CPVL: variants seen among roughly 807,000 people sequenced by gnomAD.
CPVL encodes carboxypeptidase vitellogenic like.
In CPVL, 51 loss-of-function variants were observed where a neutral mutation model predicts 63.7. The observed-to-expected ratio is 0.80, with a 90% confidence interval of 0.64 to 1.01. The LOEUF (loss-of-function observed/expected upper bound fraction) is 1.01, where lower values mean the gene tolerates loss of function less well. Ranked by LOEUF, CPVL falls within the 50% of genes least tolerant of loss-of-function variation. CPVL has a pLI of 0.00. For missense variants in CPVL, 530 were observed against 573.1 expected, an observed-to-expected ratio of 0.92 and a Z score of 0.77; for synonymous variants, 195 against 206.0, an observed-to-expected ratio of 0.95 and a Z score of 0.46.
At chr7:29,189,261 C>T (rs1799105905) in intron 1 of CPVL, among the ~76,000 whole-genome samples, 1 of 152,022 alleles carries the variant, frequency 6.6e-6, no homozygotes, top group Non-Finnish European at 1.5e-5. Flanking sequence ...CAGTTTCCCT[C>T]ATATCTTTAT....
chr7:29,112,723 A>AAGAAGAGGTT lies in CPVL; in HGVS notation c.259_268dup (p.Phe90Ter). 6.2e-7 allele frequency: 1 copy of AAGAAGAGGTT among 1,612,682 alleles called. No homozygotes were observed. The highest frequency in any genetic ancestry group is 8.5e-7 in the Non-Finnish European group (1 of 1,179,036). ...ACCTACCTGAGCTGGGAAGAACCAG[A>AAGAAGAGGTT]AGAAGAGGTTGCTGTTGTAAGTCTT... On this transcript the variant is annotated stop_gained and frameshift_variant, in exon 3 of 13. Transcript: ENST00000265394.
chr7:29,046,494 C>T (rs138918274), intron 11 of CPVL, among the ~76,000 whole-genome samples: 324 of 152,200 alleles, frequency 2.1e-3, no homozygotes, highest in African/African-American at 7.5e-3. Context: ...CTTAAAACTG[C>T]AGTGTCCTTC....
chr7:29,177,691 C>T (rs1267101566), intron 5 of CPVL, among the ~76,000 whole-genome samples: 1 of 151,790 alleles, frequency 6.6e-6, no homozygotes, highest in East Asian at 1.9e-4. Context: ...TCCATCCATC[C>T]ATCTGTGCAG....
At chr7:29,072,516 A>G in intron 7 of CPVL, 93 bp from the exon 8 acceptor site, 1 of 1,376,424 alleles carries the variant, frequency 7.3e-7, no homozygotes. Context: ...TGAAGGAGCA[A>G]TCTTTCCACA....
chr7:29,017,410 G>C (rs1316692913), intron 12 of CPVL, among the ~76,000 whole-genome samples: 6 of 152,238 alleles, frequency 3.9e-5, no homozygotes, highest in African/African-American at 1.4e-4. Context: ...GAGGCAGGCG[G>C]ATCACTTGAG....
chr7:29,082,332 G>A (rs1163437892), intron 7 of CPVL: 1 of 152,180 alleles, frequency 6.6e-6, no homozygotes, highest in African/African-American at 2.4e-5. Context: ...ATGAAAAGCA[G>A]AGGCCCAGGG....
intron 11 of CPVL, among the ~76,000 whole-genome samples, chr7:29,041,366 C>T (rs533514462): frequency 2.6e-5 from 4 of 152,008 alleles, no homozygotes; most frequent in Non-Finnish European, 4.4e-5. Flanking sequence ...CATGAGCCAC[C>T]GCGCCTGGCC....
chr7:29,053,322 A>G (rs1242186285), intron 11 of CPVL, among the ~76,000 whole-genome samples: 1 of 152,232 alleles, frequency 6.6e-6, no homozygotes, highest in Non-Finnish European at 1.5e-5. Context: ...TTTTCACAAT[A>G]ATCACAAAGT....
chr7:29,077,853 C>A (rs1163879149), intron 7 of CPVL, among the ~76,000 whole-genome samples: 1 of 152,150 alleles, frequency 6.6e-6, no homozygotes, highest in Non-Finnish European at 1.5e-5. Flanking sequence ...CTGGTGAAAA[C>A]CTCGGTGTAA....
At chr7:29,112,046 A>C (rs1788285391) in intron 3 of CPVL, among the ~76,000 whole-genome samples, 1 of 152,252 alleles carries the variant, frequency 6.6e-6, no homozygotes, top group Non-Finnish European at 1.5e-5. Flanking sequence ...GGTGAACTAC[A>C]TAGGATTGGT....
At chr7:29,112,407 AC>A (rs1166763654) in intron 3 of CPVL, among the ~76,000 whole-genome samples, 4 of 152,190 alleles carry the variant, frequency 2.6e-5, no homozygotes, top group Non-Finnish European at 4.4e-5. Context: ...CAAAAATACA[AC>A]AAAATGATAG....
chr7:29,059,089 A>T (rs890430724), intron 11 of CPVL, among the ~76,000 whole-genome samples: 33 of 152,020 alleles, frequency 2.2e-4, no homozygotes, highest in Admixed American at 3.9e-4. Flanking sequence ...TTCAAAAAAA[A>T]TTTTTTTAAG....
At chr7:29,045,561 C>T (rs1789528834) in intron 11 of CPVL, among the ~76,000 whole-genome samples, 1 of 148,012 alleles carries the variant, frequency 6.8e-6, no homozygotes, top group South Asian at 2.1e-4. Flanking sequence ...TCTTCATTGT[C>T]TTCAAAGGGC....
At chr7:29,022,867 A>G (rs1310204973) in intron 12 of CPVL, among the ~76,000 whole-genome samples, 2 of 152,230 alleles carry the variant, frequency 1.3e-5, no homozygotes, top group African/African-American at 4.8e-5. Flanking sequence ...GCCAGTGCAT[A>G]TGCACATTAT....
intron 5 of CPVL, among the ~76,000 whole-genome samples, chr7:29,168,157 A>G (rs1584521962): frequency 6.6e-6 from 1 of 152,330 alleles, no homozygotes; most frequent in East Asian, 1.9e-4. Context: ...CTGCTTACTA[A>G]TGAGACTGCA....
At chr7:29,057,337 G>C (rs1411961471) in intron 11 of CPVL, among the ~76,000 whole-genome samples, 1 of 151,770 alleles carries the variant, frequency 6.6e-6, no homozygotes, top group Non-Finnish European at 1.5e-5. Context: ...TTCTAAATTG[G>C]GTTGTTCATT....
intron 9 of CPVL, among the ~76,000 whole-genome samples, chr7:29,068,787 TG>T (rs1448644871): frequency 1.3e-5 from 2 of 149,716 alleles, no homozygotes; most frequent in Non-Finnish European, 3.0e-5. Context: ...CTCCGCCTCC[TG>T]GGTTCACGCC....
chr7:29,096,289 T>A, intron 3 of CPVL, 72 bp from the exon 4 acceptor site: 1 of 1,214,294 alleles, frequency 8.2e-7, no homozygotes, highest in Non-Finnish European at 1.2e-6. Context: ...ACAAGCAAAC[T>A]TACCCAAATC....
At chr7:29,021,394 C>T (rs559753267) in intron 12 of CPVL, among the ~76,000 whole-genome samples, 4 of 152,016 alleles carry the variant, frequency 2.6e-5, no homozygotes, top group Non-Finnish European at 4.4e-5. Flanking sequence ...ACCTCCTTCA[C>T]GAAGAAGGAC....
Sources: allele counts gnomAD v4.1 joint callset (sites outside exome capture counted in the v4.1 genomes callset), GRCh38; gene constraint gnomAD v4.1.1; transcripts MANE v1.5; gene names NCBI Gene and HGNC (gene_info 2026-07-23, HGNC 2026-07-21).